DOCK3: variants seen among roughly 807,000 people sequenced by gnomAD.
DOCK3 encodes dedicator of cytokinesis protein 3.
DOCK3 carries 60 observed loss-of-function variants against 265.6 expected under a neutral mutation model. The observed-to-expected ratio is 0.23, with a 90% CI of 0.18 to 0.28. The LOEUF (loss-of-function observed/expected upper bound fraction) is 0.28. Ranked by LOEUF, DOCK3 falls within the 10% of genes least tolerant of loss-of-function variation. The pLI is 1.00. For missense variants in DOCK3, 1,981 were observed against 2,594.3 expected (o/e 0.76, Z 5.14); for synonymous variants, 881 against 938.0 (o/e 0.94, Z 1.11).
At chr3:50,810,475 C>G (rs1450931716) in intron 2 of DOCK3, among the ~76,000 whole-genome samples, 1 of 152,006 alleles carries the variant, frequency 6.6e-6, no homozygotes, top group East Asian at 1.9e-4. Flanking sequence ...CACTTAAAAC[C>G]TGGGTTGCAG....
intron 14 of DOCK3, among the ~76,000 whole-genome samples, chr3:51,219,866 C>T (rs996462424): frequency 1.3e-5 from 2 of 152,134 alleles, no homozygotes; most frequent in African/African-American, 2.4e-5. Context: ...CACATCTAGT[C>T]TCAAAAGAGG....
chr3:50,941,430 G>A (rs959101549), intron 5 of DOCK3, among the ~76,000 whole-genome samples: 3 of 152,086 alleles, frequency 2.0e-5, no homozygotes, highest in Non-Finnish European at 4.4e-5. Flanking sequence ...TGATGCCAAG[G>A]ATGTGGATCT....
At chr3:51,102,765 G>T (rs1417942042) in intron 9 of DOCK3, among the ~76,000 whole-genome samples, 1 of 152,200 alleles carries the variant, frequency 6.6e-6, no homozygotes, top group East Asian at 1.9e-4. Flanking sequence ...GAGAAAAATA[G>T]AAATTTAGAA....
intron 7 of DOCK3, among the ~76,000 whole-genome samples, chr3:51,086,956 CAAGAA>C (rs1408360591): frequency 7.2e-5 from 11 of 152,146 alleles, no homozygotes; most frequent in Admixed American, 5.9e-4. Context: ...AGACCAGTAA[CAAGAA>C]AAGAGATCAA....
rs2033888876 is a variant in DOCK3, at chr3:50,675,549, G to A, written c.37+249G>A. Among the ~76,000 whole-genome samples the A allele has an allele frequency of 6.6e-6, 1 of 152,144 alleles. No homozygotes were observed. Among genetic ancestry groups the A allele is most frequent in the South Asian group, 2.1e-4 (1 of 4,832 alleles). On this transcript the variant is annotated intron_variant, in intron 1 of 52. Transcript: ENST00000266037. The surrounding 1 kb of genome is among the most constrained non-coding windows in gnomAD (Gnocchi z 6.1). Reference sequence around the variant, plus strand: ...CCTTGGCAGGTGCGGCCCGCGGGAGGGGTGGGCAAGGCCCGGGCAGTTGCC... The same window carrying A: ...CCTTGGCAGGTGCGGCCCGCGGGAGAGGTGGGCAAGGCCCGGGCAGTTGCC...
intron 41 of DOCK3, among the ~76,000 whole-genome samples, chr3:51,355,708 T>G (rs1432441994): frequency 6.6e-6 from 1 of 152,208 alleles, no homozygotes; most frequent in African/African-American, 2.4e-5. Flanking sequence ...AAGTTGTTCT[T>G]CAGTAAATAT....
At chr3:50,740,122 C>T (rs2038920631) in intron 1 of DOCK3, among the ~76,000 whole-genome samples, 1 of 152,050 alleles carries the variant, frequency 6.6e-6, no homozygotes, top group African/African-American at 2.4e-5. Flanking sequence ...ACTGTATGTA[C>T]TCTTTTTGAC....
chr3:50,806,840 G>T (rs1223933743), intron 2 of DOCK3, among the ~76,000 whole-genome samples: 1 of 152,072 alleles, frequency 6.6e-6, no homozygotes. Context: ...CTCACAAGGG[G>T]TGGGTTAGCA....
intron 49 of DOCK3, among the ~76,000 whole-genome samples, chr3:51,373,782 C>T (rs922578658): frequency 6.6e-6 from 1 of 152,148 alleles, no homozygotes; most frequent in Non-Finnish European, 1.5e-5. Flanking sequence ...CCTGAGTTCA[C>T]GGAAGGGCAA....
At chr3:51,180,823 A>G (rs986350862) in intron 12 of DOCK3, among the ~76,000 whole-genome samples, 2 of 152,222 alleles carry the variant, frequency 1.3e-5, no homozygotes, top group African/African-American at 2.4e-5. Flanking sequence ...ATCAGTGTCA[A>G]TGTGGAGCCT....
intron 4 of DOCK3, among the ~76,000 whole-genome samples, chr3:50,933,780 C>T (rs1193451035): frequency 6.6e-6 from 1 of 152,102 alleles, no homozygotes; most frequent in Non-Finnish European, 1.5e-5. Flanking sequence ...TACAGTAAAA[C>T]CCAAATCTCT....
chr3:51,074,815 A>C (rs1053727724), intron 6 of DOCK3, among the ~76,000 whole-genome samples: 1 of 152,194 alleles, frequency 6.6e-6, no homozygotes, highest in East Asian at 1.9e-4. Context: ...CATCCTGCGT[A>C]ACAAACCTGC....
chr3:51,310,789 T>C (rs965329973), intron 28 of DOCK3, among the ~76,000 whole-genome samples: 2 of 152,234 alleles, frequency 1.3e-5, no homozygotes, highest in African/African-American at 4.8e-5. Flanking sequence ...CTCATTTATA[T>C]TTCTAGCTTG....
At chr3:51,207,640 CTGAG>C (rs1373633329) in intron 12 of DOCK3, among the ~76,000 whole-genome samples, 1 of 152,318 alleles carries the variant, frequency 6.6e-6, no homozygotes, top group East Asian at 1.9e-4. Flanking sequence ...TCCTTTATCT[CTGAG>C]TGGCCTCTAT....
chr3:51,224,199 G>A (rs1021580210), intron 14 of DOCK3, among the ~76,000 whole-genome samples: 1 of 152,216 alleles, frequency 6.6e-6, no homozygotes. Flanking sequence ...TTGAGGAATA[G>A]TTAATTGCTT....
intron 1 of DOCK3, among the ~76,000 whole-genome samples, chr3:50,689,868 G>A (rs1332703541): frequency 6.6e-6 from 1 of 152,128 alleles, no homozygotes; most frequent in Non-Finnish European, 1.5e-5. Context: ...GGGTTGGGGA[G>A]CCCTGCTTTA....
intron 9 of DOCK3, among the ~76,000 whole-genome samples, chr3:51,106,390 C>T (rs541464004): frequency 7.9e-5 from 12 of 152,328 alleles, no homozygotes; most frequent in Admixed American, 5.2e-4. Context: ...CACACCCTTC[C>T]TCCACTGCAG....
chr3:50,721,583 T>C (rs1262961149), intron 1 of DOCK3, among the ~76,000 whole-genome samples: 1 of 152,088 alleles, frequency 6.6e-6, no homozygotes, highest in African/African-American at 2.4e-5. Context: ...GCTCTTTTGG[T>C]TTCTATAGCC....
At chr3:50,852,147 A>C (rs999882533) in intron 3 of DOCK3, among the ~76,000 whole-genome samples, 1 of 152,204 alleles carries the variant, frequency 6.6e-6, no homozygotes, top group Admixed American at 6.5e-5. Context: ...GGACACTGTC[A>C]CAGGAGTTGT....
Sources: allele counts gnomAD v4.1 joint callset (sites outside exome capture counted in the v4.1 genomes callset), GRCh38; gene constraint gnomAD v4.1.1; non-coding constraint Gnocchi (gnomAD v3.1); transcripts MANE v1.5; gene names NCBI Gene and HGNC (gene_info 2026-07-23, HGNC 2026-07-21).